The following GPATCH2 variants were observed in gnomAD, a reference collection of about 807,000 sequenced individuals.
GPATCH2 encodes G-patch domain containing 2.
In GPATCH2, 51 loss-of-function variants were observed where a neutral mutation model predicts 58.0. That is an observed-to-expected ratio of 0.88 (90% confidence interval 0.70 to 1.11). GPATCH2 has a LOEUF of 1.11. GPATCH2 is among the 50% of genes most tolerant of loss of function. The pLI is 0.00. For synonymous variants in GPATCH2, 222 were observed against 218.5 expected, an observed-to-expected ratio of 1.02 and a Z score of -0.14; for missense variants, 625 against 652.2, an observed-to-expected ratio of 0.96 and a Z score of 0.45.
intron 5 of GPATCH2, among the ~76,000 whole-genome samples, chr1:217,580,649 T>C (rs1217578519): frequency 6.6e-6 from 1 of 152,158 alleles, no homozygotes; most frequent in Non-Finnish European, 1.5e-5. Context: ...AAATCTTTCC[T>C]TTCCCCAACT....
intron 5 of GPATCH2, among the ~76,000 whole-genome samples, chr1:217,520,418 A>G (rs906140869): frequency 6.6e-6 from 1 of 152,236 alleles, no homozygotes; most frequent in Non-Finnish European, 1.5e-5. Flanking sequence ...ATAAAATCTA[A>G]TAACGGTACA....
chr1:217,440,593 A>T (rs982633099), intron 9 of GPATCH2, among the ~76,000 whole-genome samples: 4 of 152,206 alleles, frequency 2.6e-5, no homozygotes, highest in Non-Finnish European at 5.9e-5. Context: ...AGATGACATG[A>T]TTGCATATTT....
At chr1:217,524,391 A>T (rs1571859103) in intron 5 of GPATCH2, among the ~76,000 whole-genome samples, 2 of 149,564 alleles carry the variant, frequency 1.3e-5, no homozygotes, top group African/African-American at 5.0e-5. Flanking sequence ...GCAGCCAGGC[A>T]GAGGGGCTCC....
At chr1:217,517,028 A>G (rs948295457) in intron 5 of GPATCH2, among the ~76,000 whole-genome samples, 6 of 152,328 alleles carry the variant, frequency 3.9e-5, no homozygotes, top group African/African-American at 7.2e-5. Flanking sequence ...GCTAATTTAT[A>G]CCATAATACA....
chr1:217,581,365 G>A (rs1667074460), intron 5 of GPATCH2, among the ~76,000 whole-genome samples: 1 of 152,186 alleles, frequency 6.6e-6, no homozygotes, highest in South Asian at 2.1e-4. Flanking sequence ...AGACAAGTTG[G>A]AAGACAAAGG....
intron 8 of GPATCH2, among the ~76,000 whole-genome samples, chr1:217,470,238 C>G (rs978226423): frequency 6.6e-6 from 1 of 152,180 alleles, no homozygotes; most frequent in South Asian, 2.1e-4. Context: ...TTAAGGGTCA[C>G]TGGAACAGCT....
rs1459923724 is a variant in GPATCH2 at position 217,429,971 on chromosome 1, A to T, written c.*1174T>A. On this transcript the variant is annotated 3_prime_UTR_variant, in exon 10 of 10. Transcript: ENST00000366935. The stretch of plus-strand genomic sequence containing the variant: ...CATTATAAATAGAATGATAATAATC[A>T]TCATCATAATAAGTTGTTAATAATG... 2.5e-5 allele frequency: 3 copies of T among 120,162 alleles called. No homozygotes were observed. The East Asian group carries it at 5.9e-4, about 24-fold the overall frequency. The allele number at this position is 120,162 out of a possible 1,614,324, so 7.4% of individuals were successfully genotyped here.
At chr1:217,468,407 T>C (rs1177703814) in intron 8 of GPATCH2, among the ~76,000 whole-genome samples, 1 of 152,016 alleles carries the variant, frequency 6.6e-6, no homozygotes, top group Admixed American at 6.6e-5. Context: ...TGGAGTATGT[T>C]AAAAGACACC....
At chr1:217,445,334 C>G (rs1659338713) in intron 9 of GPATCH2, among the ~76,000 whole-genome samples, 1 of 152,046 alleles carries the variant, frequency 6.6e-6, no homozygotes, top group East Asian at 1.9e-4. Flanking sequence ...GCCATAATAT[C>G]TCAAAAAAGG....
At chr1:217,607,252 C>T (rs932097193) in intron 5 of GPATCH2, among the ~76,000 whole-genome samples, 7 of 152,214 alleles carry the variant, frequency 4.6e-5, no homozygotes, top group South Asian at 4.1e-4. Flanking sequence ...TTGAGTTGCC[C>T]GACATACACG....
At chr1:217,539,944 C>T (rs1664655451) in intron 5 of GPATCH2, among the ~76,000 whole-genome samples, 1 of 152,102 alleles carries the variant, frequency 6.6e-6, no homozygotes, top group African/African-American at 2.4e-5. Context: ...TTGAAATAGT[C>T]ACTACTTTTA....
intron 8 of GPATCH2, among the ~76,000 whole-genome samples, chr1:217,482,356 G>C (rs1661250928): frequency 6.6e-6 from 1 of 152,180 alleles, no homozygotes; most frequent in African/African-American, 2.4e-5. Flanking sequence ...AAAGCAGGGA[G>C]AGGGGACAGG....
At chr1:217,439,331 C>A (rs2102534307) in intron 9 of GPATCH2, among the ~76,000 whole-genome samples, 1 of 152,246 alleles carries the variant, frequency 6.6e-6, no homozygotes. Flanking sequence ...AGAACAAAGA[C>A]ACAACGTGCC....
At chr1:217,467,840 A>G (rs1380101249) in intron 8 of GPATCH2, among the ~76,000 whole-genome samples, 3 of 152,200 alleles carry the variant, frequency 2.0e-5, no homozygotes, top group Admixed American at 2.0e-4. Flanking sequence ...CTCCTGGTCT[A>G]AGCCAGAAAA....
chr1:217,608,912 A>G lies in GPATCH2; in HGVS notation c.1098+1409T>C, dbSNP rs536029599. 93 of 983,396 alleles carry G rather than the reference A, an allele frequency of 9.5e-5. 1 individual carries two copies. In the African/African-American group the frequency reaches 1.3e-3, roughly 13 times the overall value. 60.9% of individuals were successfully genotyped at this position (983,396 alleles called of 1,614,324 possible). ...CCAAATTAGACAAGCAATCTAAAAG[A>G]AGATGTCACACATTCCTGTTTAATG... On this transcript the variant is annotated intron_variant, in intron 5 of 9. Transcript: ENST00000366935.
At chr1:217,561,830 G>A (rs1665939973) in intron 5 of GPATCH2, among the ~76,000 whole-genome samples, 1 of 152,140 alleles carries the variant, frequency 6.6e-6, no homozygotes, top group Non-Finnish European at 1.5e-5. Context: ...GGTATGATTA[G>A]GTACCTGCCT....
intron 5 of GPATCH2, among the ~76,000 whole-genome samples, chr1:217,520,942 T>A (rs1663421174): frequency 6.6e-6 from 1 of 152,194 alleles, no homozygotes. Context: ...ACTCCTGGGC[T>A]CAAGCAATTC....
intron 5 of GPATCH2, among the ~76,000 whole-genome samples, chr1:217,581,563 AAG>A (rs969763084): frequency 2.6e-5 from 4 of 152,326 alleles, no homozygotes; most frequent in East Asian, 3.9e-4. Flanking sequence ...GGATGTACGT[AAG>A]AGAGTATGTC....
intron 8 of GPATCH2, among the ~76,000 whole-genome samples, chr1:217,464,168 G>T (rs930229926): frequency 2.6e-5 from 4 of 152,128 alleles, no homozygotes; most frequent in African/African-American, 9.7e-5. Flanking sequence ...AGAGTACTCT[G>T]CGAATATGGT....
Sources: gnomAD v4.1 joint callset for allele counts (sites outside exome capture counted in the v4.1 genomes callset) on GRCh38, gnomAD v4.1.1 for gene constraint, MANE v1.5 for transcripts, NCBI Gene and HGNC (gene_info 2026-07-23, HGNC 2026-07-21) for gene names.